The following NALF1 variants were observed in gnomAD, a reference collection of about 807,000 sequenced individuals.
The protein encoded by NALF1 is family with sequence similarity 155 member A.
Under a neutral mutation model 48.4 loss-of-function variants are expected in NALF1, and 3 were observed. That is an observed-to-expected ratio of 0.06 (90% confidence interval 0.03 to 0.16). The LOEUF is 0.16. Among genes scored for constraint, NALF1 ranks in the 10% least tolerant of loss-of-function variants. NALF1 has a pLI of 1.00. For missense variants in NALF1, 526 were observed against 571.5 expected (o/e 0.92, Z 0.81); for synonymous variants, 262 against 245.7 (o/e 1.07, Z -0.62).
intron 1 of NALF1, among the ~76,000 whole-genome samples, chr13:107,253,666 AC>A (rs1370045646): frequency 1.3e-5 from 2 of 151,508 alleles, no homozygotes; most frequent in Admixed American, 6.6e-5. Context: ...ATCTAACTTA[AC>A]CTCCCGTTCC....
intron 1 of NALF1, among the ~76,000 whole-genome samples, chr13:107,554,327 C>T (rs567706048): frequency 5.6e-4 from 85 of 152,132 alleles, no homozygotes; most frequent in African/African-American, 2.0e-3. Context: ...GCCAGAAGTC[C>T]GGGGGGAAAA....
Position 107,214,096 on chromosome 13 carries a change from A to G in NALF1, c.916-3341T>C, listed in dbSNP as rs138899166. Among the ~76,000 whole-genome samples, 38 of 152,324 alleles carry G rather than the reference A, an allele frequency of 2.5e-4. 1 individual carries two copies. The highest frequency in any genetic ancestry group is 8.9e-4 in the African/African-American group (37 of 41,580). ...GTTCTCTAGAGCTAGAAAAATTCCA[A>G]TAGACTTTCAATACCTCTTGTCAAA... is the stretch of plus-strand genomic sequence containing the variant. On this transcript the variant is annotated intron_variant, in intron 1 of 2. Coordinates refer to ENST00000375915, the MANE Select transcript of NALF1 (RefSeq NM_001080396.3).
intron 1 of NALF1, among the ~76,000 whole-genome samples, chr13:107,680,526 G>T (rs552235256): frequency 6.6e-6 from 1 of 151,848 alleles, no homozygotes. Context: ...GGGTGTGTGA[G>T]GAGTGTGTAT....
intron 1 of NALF1, among the ~76,000 whole-genome samples, chr13:107,677,086 G>A (rs765252439): frequency 3.3e-4 from 50 of 152,176 alleles, no homozygotes; most frequent in African/African-American, 1.1e-3. Context: ...TCGCTCCTTC[G>A]CCCAGGCTGG....
At chr13:107,520,862 T>C (rs992000276) in intron 1 of NALF1, among the ~76,000 whole-genome samples, 2 of 152,066 alleles carry the variant, frequency 1.3e-5, no homozygotes, top group African/African-American at 4.8e-5. Flanking sequence ...CCCCTGCCTG[T>C]GAGAGCTGAA....
chr13:107,613,379 C>G (rs1030587025), intron 1 of NALF1, among the ~76,000 whole-genome samples: 2 of 152,178 alleles, frequency 1.3e-5, no homozygotes, highest in African/African-American at 4.8e-5. Context: ...AATTCTTTCT[C>G]TCTCCAGGCC....
chr13:107,649,961 G>C (rs1426910045), intron 1 of NALF1, among the ~76,000 whole-genome samples: 1 of 152,158 alleles, frequency 6.6e-6, no homozygotes, highest in Non-Finnish European at 1.5e-5. Context: ...ATACTTGTAA[G>C]TTACTTTGGC....
At chr13:107,782,584 C>T (rs1295227214) in intron 1 of NALF1, among the ~76,000 whole-genome samples, 2 of 151,648 alleles carry the variant, frequency 1.3e-5, no homozygotes, top group African/African-American at 4.8e-5. Context: ...CTCTGCCCGG[C>T]TGCCATCCCA....
At position 107,167,717 on chromosome 13, in the gene NALF1, T is replaced by C. The variant is rs1878691895; in HGVS notation, c.*2780A>G. 1 of 151,598 alleles carries C rather than the reference T, an allele frequency of 6.6e-6. No homozygotes were observed. The highest frequency in any genetic ancestry group is 1.5e-5 in the Non-Finnish European group (1 of 68,000). 9.4% of individuals were successfully genotyped at this position (151,598 alleles called of 1,614,324 possible). ...CTAAATTATCACTTTATATTTACAA[T>C]GAAGACTGCAGTGTTTCTCCCAACT... On this transcript the variant is annotated 3_prime_UTR_variant, in exon 3 of 3. Transcript: ENST00000375915.
intron 1 of NALF1, among the ~76,000 whole-genome samples, chr13:107,424,630 G>A (rs759374816): frequency 6.6e-6 from 1 of 152,116 alleles, no homozygotes; most frequent in Non-Finnish European, 1.5e-5. Context: ...AAAAACAGAA[G>A]GAAGGAGAGC....
At chr13:107,274,900 G>C (rs1881249298) in intron 1 of NALF1, among the ~76,000 whole-genome samples, 1 of 152,258 alleles carries the variant, frequency 6.6e-6, no homozygotes, top group Admixed American at 6.5e-5. Flanking sequence ...AAGAGAAACA[G>C]AGGGAGGGAT....
At chr13:107,636,140 C>G (rs940335864) in intron 1 of NALF1, among the ~76,000 whole-genome samples, 1 of 152,028 alleles carries the variant, frequency 6.6e-6, no homozygotes, top group African/African-American at 2.4e-5. Flanking sequence ...CACTTGGAAT[C>G]TGCACCAAAA....
At position 107,556,706 on chromosome 13, in the gene NALF1, G is replaced by T. The variant is rs568873885; in HGVS notation, c.915+308976C>A. 5.3e-5 allele frequency among the ~76,000 whole-genome samples: 8 copies of T among 152,094 alleles called. No individual in the cohort carries two copies. In the East Asian group the frequency reaches 1.5e-3, roughly 29 times the overall value. Reference sequence around the variant, plus strand: ...TCACCATGTTAGTCAGGCTGGTTGCGAACTCCTGACCTCAGGTGATCCACC... The same window carrying T: ...TCACCATGTTAGTCAGGCTGGTTGCTAACTCCTGACCTCAGGTGATCCACC... On this transcript the variant is annotated intron_variant, in intron 1 of 2. Coordinates refer to ENST00000375915, the MANE Select transcript of NALF1 (RefSeq NM_001080396.3).
intron 1 of NALF1, among the ~76,000 whole-genome samples, chr13:107,235,418 T>C (rs923587492): frequency 2.6e-5 from 4 of 152,094 alleles, no homozygotes; most frequent in Non-Finnish European, 5.9e-5. Flanking sequence ...ACACAGGGGA[T>C]CAGTTTCAGG....
At chr13:107,436,635 G>T (rs1249668051) in intron 1 of NALF1, among the ~76,000 whole-genome samples, 1 of 152,000 alleles carries the variant, frequency 6.6e-6, no homozygotes, top group African/African-American at 2.4e-5. Context: ...AGTTAACAGG[G>T]AAATATTGAA....
At chr13:107,836,479 T>A (rs1227549686) in intron 1 of NALF1, among the ~76,000 whole-genome samples, 1 of 152,148 alleles carries the variant, frequency 6.6e-6, no homozygotes, top group Non-Finnish European at 1.5e-5. Context: ...TATTTCAATA[T>A]CATTAAAAAT....
At chr13:107,305,608 T>C (rs563517168) in intron 1 of NALF1, among the ~76,000 whole-genome samples, 1 of 152,182 alleles carries the variant, frequency 6.6e-6, no homozygotes, top group Non-Finnish European at 1.5e-5. Flanking sequence ...CTGAGTCCCA[T>C]ACAATGTCAT....
At position 107,764,361 on chromosome 13, in the gene NALF1, T is replaced by C. The variant is rs559314212; in HGVS notation, c.915+101321A>G. 3.9e-5 allele frequency among the ~76,000 whole-genome samples: 6 copies of C among 152,324 alleles called. No homozygotes were observed. The South Asian group carries it at 6.2e-4, about 16-fold the overall frequency. On this transcript the variant is annotated intron_variant, in intron 1 of 2. Coordinates refer to ENST00000375915, the MANE Select transcript of NALF1 (RefSeq NM_001080396.3). Reference sequence around the variant, plus strand: ...GATGTTGCATAATGTTATAACATAATACATATGTTGTATGTGTATATATTA... The same window carrying C: ...GATGTTGCATAATGTTATAACATAACACATATGTTGTATGTGTATATATTA...
At chr13:107,337,675 G>C (rs1882586418) in intron 1 of NALF1, among the ~76,000 whole-genome samples, 1 of 152,162 alleles carries the variant, frequency 6.6e-6, no homozygotes, top group South Asian at 2.1e-4. Context: ...AGAGCTGGGA[G>C]CTGACCAACT....
Sources: allele counts gnomAD v4.1 joint callset (sites outside exome capture counted in the v4.1 genomes callset), GRCh38; gene constraint gnomAD v4.1.1; transcripts MANE v1.5; gene names NCBI Gene and HGNC (gene_info 2026-07-23, HGNC 2026-07-21).